The following DPY19L4 variants were observed in gnomAD, a reference collection of about 807,000 sequenced individuals.
DPY19L4 encodes the protein dpy-19 like 4.
DPY19L4 carries 97 observed loss-of-function variants against 102.8 expected under a neutral mutation model. That is an observed-to-expected ratio of 0.94 (90% CI 0.80 to 1.12). The LOEUF is 1.12. Ranked by LOEUF, DPY19L4 falls within the 50% of genes most tolerant of loss-of-function variation. The pLI is 0.00. For synonymous variants in DPY19L4, 252 were observed against 283.1 expected (o/e 0.89, Z 1.10); for missense variants, 815 against 850.4 (o/e 0.96, Z 0.52).
At chr8:94,752,373 A>C (rs543808182) in intron 6 of DPY19L4, among the ~76,000 whole-genome samples, 2 of 151,894 alleles carry the variant, frequency 1.3e-5, no homozygotes, top group Admixed American at 1.3e-4. Context: ...TCATGAGGTT[A>C]AGAGATCGAG....
chr8:94,761,075 G>GT (rs1267321645), intron 7 of DPY19L4, among the ~76,000 whole-genome samples: 1 of 152,184 alleles, frequency 6.6e-6, no homozygotes, highest in African/African-American at 2.4e-5. Context: ...AGGAAAATAA[G>GT]TTCTGAACCC....
rs139789005 is a variant in DPY19L4 at position 94,722,533 on chromosome 8, A to C, written c.16+2519A>C. Among the ~76,000 whole-genome samples, 781 of 152,314 alleles carry C rather than the reference A, an allele frequency of 5.1e-3. 8 individuals are homozygous for C. Among genetic ancestry groups the C allele is most frequent in the African/African-American group, 0.018 (746 of 41,580 alleles). On this transcript the variant is annotated intron_variant, in intron 1 of 18. Transcript: ENST00000414645. ...AATTTATTAAAATATTGCTTTATTC[A>C]ACACATTTCTAATTCCATAAATATG... is the stretch of plus-strand genomic sequence containing the variant.
intron 1 of DPY19L4, among the ~76,000 whole-genome samples, chr8:94,724,330 T>A (rs1260036379): frequency 6.6e-6 from 1 of 152,266 alleles, no homozygotes; most frequent in Non-Finnish European, 1.5e-5. Context: ...GTTCTTGTAG[T>A]TATATCTTCC....
chr8:94,771,151 G>A (rs977703799), intron 13 of DPY19L4, among the ~76,000 whole-genome samples: 1 of 152,056 alleles, frequency 6.6e-6, no homozygotes, highest in Non-Finnish European at 1.5e-5. Context: ...TCCTCACCTC[G>A]TTATCTGCCC....
intron 13 of DPY19L4, 128 bp from the exon 14 acceptor site, chr8:94,777,538 A>G: frequency 8.3e-7 from 1 of 1,200,352 alleles, no homozygotes. Flanking sequence ...ATTAGAGTCT[A>G]AGCTTTTTCA....
intron 2 of DPY19L4, among the ~76,000 whole-genome samples, chr8:94,730,973 G>T (rs551137680): frequency 6.8e-6 from 1 of 146,846 alleles, no homozygotes; most frequent in East Asian, 2.1e-4. Context: ...TCAAACTCCC[G>T]ACCTCAGGTG....
Position 94,765,176 on chromosome 8 carries a change from A to C in DPY19L4, c.871-7A>C, listed in dbSNP as rs200567931. The C allele has an allele frequency of 1.0e-5, 15 of 1,448,590 alleles. No individual in the cohort carries two copies. Among genetic ancestry groups the C allele is most frequent in the Admixed American group, 4.3e-5 (2 of 46,372 alleles). 89.7% of individuals were successfully genotyped at this position (1,448,590 alleles called of 1,614,324 possible). A position where few individuals can be genotyped will look rare whatever the true frequency, so the allele number is the denominator to read the frequency against. On this transcript the variant is annotated splice_region_variant and splice_polypyrimidine_tract_variant and intron_variant, in intron 8 of 18. Coordinates refer to ENST00000414645, the MANE Select transcript of DPY19L4 (RefSeq NM_181787.3). ...TATTCTCACTTATTTTATTTTTGTC[A>C]CAACAGGTTTATGAAGTTTATAAAA...
At chr8:94,778,578 C>G (rs1813289675) in intron 14 of DPY19L4, among the ~76,000 whole-genome samples, 1 of 152,122 alleles carries the variant, frequency 6.6e-6, no homozygotes, top group South Asian at 2.1e-4. Context: ...TCCTTCTTTC[C>G]CTGTCCTGCC....
chr8:94,736,062 TGG>T (rs1427588104), intron 3 of DPY19L4, among the ~76,000 whole-genome samples: 1 of 152,198 alleles, frequency 6.6e-6, no homozygotes, highest in Non-Finnish European at 1.5e-5. Context: ...GATCAAGGCA[TGG>T]GCAGATTTGG....
In DPY19L4 at chr8:94,739,696, G is replaced by C. The variant is rs757295557; in HGVS notation, c.517G>C (p.Gly173Arg). 6.2e-7 allele frequency: 1 copy of C among 1,614,052 alleles called. No homozygotes were observed. The highest frequency in any genetic ancestry group is 8.5e-7 in the Non-Finnish European group (1 of 1,180,014). Residue 173 changes from glycine to arginine, a missense_variant, in exon 6 of 19, where the codon GGA becomes CGA. Physicochemically the swap from Gly to Arg is moderately radical, Grantham distance 125 (BLOSUM62 -2). Transcript: ENST00000414645. ...FYIGIVFGLQ[G>R]IYVTALFVTS... ...TATTGGCATTGTTTTTGGATTGCAA[G>C]GAATATATGTTACTGCTTTATTTGT...
chr8:94,771,141 T>G (rs1263168923), intron 13 of DPY19L4, among the ~76,000 whole-genome samples: 1 of 152,114 alleles, frequency 6.6e-6, no homozygotes, highest in African/African-American at 2.4e-5. Flanking sequence ...GGTCTTGAAC[T>G]CCTCACCTCG....
chr8:94,726,460 G>A lies in DPY19L4; in HGVS notation c.127+19G>A, dbSNP rs769489216. ...CCAAAACGTAAGTTAGATAGACTTG[G>A]AATTTGTGCTACTACAAAAATAGTT... On this transcript the variant is annotated intron_variant, in intron 2 of 18. Transcript: ENST00000414645. 2 of 1,565,032 alleles carry A rather than the reference G, an allele frequency of 1.3e-6. No individual in the cohort carries two copies. The highest frequency in any genetic ancestry group is 1.7e-6 in the Non-Finnish European group (2 of 1,153,646).
At chr8:94,781,008 T>C (rs1452872338) in intron 15 of DPY19L4, 76 bp from the exon 16 acceptor site, 3 of 1,246,642 alleles carry the variant, frequency 2.4e-6, no homozygotes, top group Admixed American at 4.9e-5. Context: ...TTTGAAATAC[T>C]GTGGAACAGT....
At chr8:94,775,086 A>G (rs942539554) in intron 13 of DPY19L4, among the ~76,000 whole-genome samples, 2 of 152,202 alleles carry the variant, frequency 1.3e-5, no homozygotes, top group African/African-American at 2.4e-5. Context: ...TTCATGAAAA[A>G]TGCATATTGT....
intron 11 of DPY19L4, among the ~76,000 whole-genome samples, chr8:94,767,873 A>G (rs1474910591): frequency 6.6e-6 from 1 of 152,212 alleles, no homozygotes; most frequent in African/African-American, 2.4e-5. Flanking sequence ...ATATATAAAA[A>G]TAATTTGTAA....
At chr8:94,767,445 T>A (rs1175167640) in intron 11 of DPY19L4, among the ~76,000 whole-genome samples, 2 of 151,828 alleles carry the variant, frequency 1.3e-5, no homozygotes, top group African/African-American at 2.4e-5. Flanking sequence ...AGGCACCCGC[T>A]ACCATGCCCG....
chr8:94,753,169 T>C (rs1812022012), intron 6 of DPY19L4, among the ~76,000 whole-genome samples: 1 of 152,246 alleles, frequency 6.6e-6, no homozygotes, highest in Admixed American at 6.5e-5. Context: ...TTTCTTCTTT[T>C]TGTTTGTATA....
chr8:94,722,880 T>C (rs915168001), intron 1 of DPY19L4, among the ~76,000 whole-genome samples: 3 of 152,196 alleles, frequency 2.0e-5, no homozygotes, highest in Non-Finnish European at 4.4e-5. Context: ...TCTGGGAATC[T>C]GGTCTTTAAA....
intron 1 of DPY19L4, 112 bp downstream of exon 1, chr8:94,720,126 G>C: frequency 7.1e-7 from 1 of 1,403,926 alleles, no homozygotes; most frequent in South Asian, 1.6e-5. Flanking sequence ...CGCGGTGGCG[G>C]CCGCGCGGGC....
Sources: gnomAD v4.1 joint callset for allele counts (sites outside exome capture counted in the v4.1 genomes callset) on GRCh38, gnomAD v4.1.1 for gene constraint, MANE v1.5 for transcripts, NCBI Gene and HGNC (gene_info 2026-07-23, HGNC 2026-07-21) for gene names.